The following CDC42BPA variants were observed in gnomAD, a reference collection of about 807,000 sequenced individuals.
The protein encoded by CDC42BPA is CDC42 binding protein kinase alpha.
CDC42BPA carries 80 observed loss-of-function variants against 223.5 expected under a neutral mutation model. The observed-to-expected ratio is 0.36, with a 90% confidence interval of 0.30 to 0.43. CDC42BPA has a LOEUF of 0.43. CDC42BPA is among the 20% of genes least tolerant of loss of function. CDC42BPA has a pLI of 1.00. For missense variants in CDC42BPA, 1,743 were observed against 2,099.9 expected, an observed-to-expected ratio of 0.83 and a Z score of 3.32; for synonymous variants, 694 against 718.6, an observed-to-expected ratio of 0.97 and a Z score of 0.55.
chr1:227,294,884 A>C (rs1327600266), intron 1 of CDC42BPA, among the ~76,000 whole-genome samples: 1 of 149,224 alleles, frequency 6.7e-6, no homozygotes, highest in Non-Finnish European at 1.5e-5. Flanking sequence ...AAAAAAAAAA[A>C]AAGAGGTTAA....
At chr1:227,170,106 C>A (rs1665831210) in intron 5 of CDC42BPA, among the ~76,000 whole-genome samples, 1 of 152,162 alleles carries the variant, frequency 6.6e-6, no homozygotes, top group Non-Finnish European at 1.5e-5. Context: ...ACTCTTGTGA[C>A]TGTCTCAATC....
intron 1 of CDC42BPA, among the ~76,000 whole-genome samples, chr1:227,303,166 TG>T (rs1691962384): frequency 2.0e-5 from 3 of 152,214 alleles, no homozygotes; most frequent in Non-Finnish European, 4.4e-5. Context: ...TAAAACATGA[TG>T]TGAAGCTCCA....
chr1:227,257,747 C>G (rs1683331239), intron 1 of CDC42BPA, among the ~76,000 whole-genome samples: 1 of 147,650 alleles, frequency 6.8e-6, no homozygotes, highest in East Asian at 2.1e-4. Flanking sequence ...GAGTGAGACT[C>G]TGTCTCAAAA....
At chr1:227,196,760 T>A (rs1032633642) in intron 4 of CDC42BPA, among the ~76,000 whole-genome samples, 1 of 152,228 alleles carries the variant, frequency 6.6e-6, no homozygotes, top group Non-Finnish European at 1.5e-5. Flanking sequence ...TTCAAGTATC[T>A]TTCACCTTTT....
intron 6 of CDC42BPA, among the ~76,000 whole-genome samples, chr1:227,147,825 C>G (rs1660963616): frequency 6.6e-6 from 1 of 151,506 alleles, no homozygotes; most frequent in Non-Finnish European, 1.5e-5. Flanking sequence ...ACCATCATAC[C>G]AATTAAGAAC....
At chr1:227,161,043 A>T (rs1198200979) in intron 5 of CDC42BPA, among the ~76,000 whole-genome samples, 2 of 152,230 alleles carry the variant, frequency 1.3e-5, no homozygotes, top group African/African-American at 2.4e-5. Context: ...AGACCTTAAG[A>T]TAACTGCAGA....
In CDC42BPA at chr1:227,196,338, C is replaced by CTTTTTTTTTTTTTTT. The variant is rs34352900; in HGVS notation, c.451-2419_451-2405dup. The stretch of plus-strand genomic sequence containing the variant: ...GCTTTCTTTTTACTATTAAACAATA[C>CTTTTTTTTTTTTTTT]TTTTTTTTTTTTTTTTTTTGAGACA... On this transcript the variant is annotated intron_variant, in intron 4 of 36. Coordinates refer to ENST00000366766, the MANE Select transcript of CDC42BPA (RefSeq NM_001394014.1). 1.2e-4 allele frequency among the ~76,000 whole-genome samples: 11 copies of CTTTTTTTTTTTTTTT among 92,360 alleles called. 1 individual carries two copies. Among genetic ancestry groups the CTTTTTTTTTTTTTTT allele is most frequent in the African/African-American group, 3.8e-4 (8 of 21,204 alleles). The allele number at this position is 92,360 out of a possible 152,430, so 60.6% of individuals were successfully genotyped here. A position where few individuals can be genotyped will look rare whatever the true frequency, so the allele number is the denominator to read the frequency against.
At chr1:227,150,224 C>A (rs1338670043) in intron 6 of CDC42BPA, among the ~76,000 whole-genome samples, 240 of 136,504 alleles carry the variant, frequency 1.8e-3, no homozygotes, top group South Asian at 2.6e-3. Flanking sequence ...AACCCTGTCT[C>A]AAAAAAAAAA....
At chr1:227,157,229 T>C (rs1662987678) in intron 6 of CDC42BPA, among the ~76,000 whole-genome samples, 1 of 152,250 alleles carries the variant, frequency 6.6e-6, no homozygotes, top group African/African-American at 2.4e-5. Context: ...ATTTTTATGC[T>C]ATAAATCCAA....
Position 227,031,529 on chromosome 1 carries a change from T to A in CDC42BPA, c.3559-15A>T. On this transcript the variant is annotated splice_polypyrimidine_tract_variant and intron_variant, in intron 27 of 36. Coordinates refer to ENST00000366766, the MANE Select transcript of CDC42BPA (RefSeq NM_001394014.1). ...GAAGCTGTGACCTAGAACAATTTAATCAATATTCATGATATTAGAAAACAG... is the reference window on the plus strand; with the variant it reads ...GAAGCTGTGACCTAGAACAATTTAAACAATATTCATGATATTAGAAAACAG... 1 of 1,600,102 alleles carries A rather than the reference T, an allele frequency of 6.2e-7. No individual in the cohort carries two copies. Among genetic ancestry groups the A allele is most frequent in the Non-Finnish European group, 8.6e-7 (1 of 1,167,968 alleles).
chr1:227,185,899 A>T (rs1668701199), intron 5 of CDC42BPA, among the ~76,000 whole-genome samples: 1 of 152,230 alleles, frequency 6.6e-6, no homozygotes, highest in Non-Finnish European at 1.5e-5. Context: ...TAAGGAGTCC[A>T]GAAGTCACCA....
rs1666157562 is a variant in CDC42BPA, at chr1:227,016,009, G to A, written c.4857+71C>T. On this transcript the variant is annotated intron_variant, in intron 34 of 36. Coordinates refer to ENST00000366766, the MANE Select transcript of CDC42BPA (RefSeq NM_001394014.1). ...CACATATCCTTTGAAGTCTACCCAT[G>A]TATTTAAGCCTATGTATTTATACTC... The A allele has an allele frequency of 5.3e-6, 4 of 761,752 alleles. No individual in the cohort carries two copies. In the East Asian group the frequency reaches 9.8e-5, roughly 19 times the overall value. 47.2% of individuals were successfully genotyped at this position (761,752 alleles called of 1,614,324 possible).
chr1:227,228,482 T>C (rs1677242028), intron 2 of CDC42BPA, among the ~76,000 whole-genome samples: 1 of 152,248 alleles, frequency 6.6e-6, no homozygotes, highest in African/African-American at 2.4e-5. Flanking sequence ...AAGGGTGCTA[T>C]GAACATTCAT....
At chr1:227,012,262 T>C (rs1219432033) in intron 34 of CDC42BPA, among the ~76,000 whole-genome samples, 1 of 152,196 alleles carries the variant, frequency 6.6e-6, no homozygotes, top group East Asian at 1.9e-4. Context: ...TATTCTTGCA[T>C]CCAAATTAGA....
chr1:227,200,455 A>AAAC (rs1671557794), intron 3 of CDC42BPA, among the ~76,000 whole-genome samples: 1 of 149,584 alleles, frequency 6.7e-6, no homozygotes, highest in Non-Finnish European at 1.5e-5. Flanking sequence ...CAAAAAAAAA[A>AAAC]CGAAAGAAAG....
chr1:227,246,302 C>T (rs912863651), intron 2 of CDC42BPA, among the ~76,000 whole-genome samples: 17 of 152,322 alleles, frequency 1.1e-4, no homozygotes, highest in African/African-American at 3.1e-4. Flanking sequence ...AAAAATAAAA[C>T]ATCAGGTAGA....
At chr1:227,050,912 G>T (rs535567019) in intron 22 of CDC42BPA, among the ~76,000 whole-genome samples, 3 of 152,072 alleles carry the variant, frequency 2.0e-5, no homozygotes, top group Admixed American at 6.6e-5. Context: ...CAAAATTTTC[G>T]TATCTGTTTA....
In CDC42BPA at chr1:226,992,655, A is replaced by AAG; in HGVS notation, c.*1611_*1612dup. 1 of 152,268 alleles carries AAG rather than the reference A, an allele frequency of 6.6e-6. No individual in the cohort carries two copies. The highest frequency in any genetic ancestry group is 1.5e-5 in the Non-Finnish European group (1 of 68,052). The allele number at this position is 152,268 out of a possible 1,614,324, so 9.4% of individuals were successfully genotyped here. A position where few individuals can be genotyped will look rare whatever the true frequency, so the allele number is the denominator to read the frequency against. ...CTTTCTTCATTTTCACTGAATTTTA[A>AAG]AGAGAGAATCCTGTCTCTATTTCTC... On this transcript the variant is annotated 3_prime_UTR_variant, in exon 37 of 37. Coordinates refer to ENST00000366766, the MANE Select transcript of CDC42BPA (RefSeq NM_001394014.1).
rs1694543774 is a variant in CDC42BPA at position 227,317,153 on chromosome 1, C to T, written c.30G>A (p.Leu10=). 1.9e-6 allele frequency: 3 copies of T among 1,613,126 alleles called. No homozygotes were observed. The highest frequency in any genetic ancestry group is 2.5e-6 in the Non-Finnish European group (3 of 1,179,794). Residue 10 remains leucine, a synonymous_variant, in exon 1 of 37, where the codon TTG becomes TTA. Coordinates refer to ENST00000366766, the MANE Select transcript of CDC42BPA (RefSeq NM_001394014.1). The part of the protein sequence containing the change: MSGEVRLRQ[L]EQFILDGPAQ... ...CGGGCCCGTCCAAAATAAACTGCTC[C>T]AACTGCCTCAAACGCACTTCTCCAG...
Sources: allele counts gnomAD v4.1 joint callset (sites outside exome capture counted in the v4.1 genomes callset), GRCh38; gene constraint gnomAD v4.1.1; transcripts MANE v1.5; gene names NCBI Gene and HGNC (gene_info 2026-07-23, HGNC 2026-07-21).